PRKAR2B: variants seen among roughly 807,000 people sequenced by gnomAD.
PRKAR2B encodes the protein protein kinase cAMP-dependent type II regulatory subunit beta.
In PRKAR2B, 14 loss-of-function variants were observed where a neutral mutation model predicts 49.9. That is an observed-to-expected ratio of 0.28 (90% CI 0.19 to 0.44). The LOEUF is 0.44. Among genes scored for constraint, PRKAR2B ranks in the 20% least tolerant of loss-of-function variants. The pLI is 1.00. For missense variants in PRKAR2B, 393 were observed against 537.9 expected (o/e 0.73, Z 2.67); for synonymous variants, 196 against 197.7 (o/e 0.99, Z 0.07).
At chr7:107,081,944 A>T (rs1228606075) in intron 2 of PRKAR2B, 1 of 152,196 alleles carries the variant, frequency 6.6e-6, no homozygotes, top group Non-Finnish European at 1.5e-5. Context: ...GCTCCCCTTT[A>T]AAAACAGGTA....
At chr7:107,115,956 T>G (rs1390156992) in intron 2 of PRKAR2B, among the ~76,000 whole-genome samples, 1 of 152,164 alleles carries the variant, frequency 6.6e-6, no homozygotes, top group Non-Finnish European at 1.5e-5. Context: ...CAGCCTTCAG[T>G]AAGGAAGTGG....
chr7:107,153,247 C>T lies in PRKAR2B; in HGVS notation c.914C>T (p.Ala305Val). ...KVYNDGEQII[A>V]QGDSADSFFI... is the part of the protein sequence containing the mutation. The stretch of plus-strand genomic sequence containing the variant: ...TACAACGATGGAGAACAAATCATTG[C>T]TCAGGTATGATATTTTGAAATGTAA... The change falls in exon 8 of 11, where the codon GCT becomes GTT. Residue 305 changes from alanine (A) to valine (V), a missense_variant. By Grantham distance (64) the Ala-to-Val change is moderately conservative. Transcript: ENST00000265717. The T allele has an allele frequency of 6.3e-7, 1 of 1,599,814 alleles. No individual in the cohort carries two copies. Among genetic ancestry groups the T allele is most frequent in the Non-Finnish European group, 8.5e-7 (1 of 1,171,820 alleles).
At chr7:107,119,615 C>T (rs1471409186) in intron 2 of PRKAR2B, among the ~76,000 whole-genome samples, 1 of 152,198 alleles carries the variant, frequency 6.6e-6, no homozygotes, top group Non-Finnish European at 1.5e-5. Flanking sequence ...TTGGCAGGGC[C>T]ATCCCTATTG....
chr7:107,088,096 C>T (rs974394023), intron 2 of PRKAR2B, among the ~76,000 whole-genome samples: 1 of 152,022 alleles, frequency 6.6e-6, no homozygotes, highest in South Asian at 2.1e-4. Context: ...ATTATTATTT[C>T]CGTTTTAAAG....
intron 2 of PRKAR2B, among the ~76,000 whole-genome samples, chr7:107,071,078 A>G (rs1229500963): frequency 6.6e-6 from 1 of 152,224 alleles, no homozygotes; most frequent in Non-Finnish European, 1.5e-5. Flanking sequence ...ATTATTTAGA[A>G]AATTCACCAT....
intron 2 of PRKAR2B, among the ~76,000 whole-genome samples, chr7:107,076,069 A>G (rs1490421313): frequency 2.0e-5 from 3 of 152,100 alleles, no homozygotes; most frequent in Non-Finnish European, 4.4e-5. Flanking sequence ...CAGTTTAAAG[A>G]GTTCAGTGAG....
chr7:107,072,106 A>T (rs1480180278), intron 2 of PRKAR2B, among the ~76,000 whole-genome samples: 2 of 148,392 alleles, frequency 1.3e-5, no homozygotes, highest in East Asian at 1.9e-4. Flanking sequence ...ATAAAAAATA[A>T]ATATATATAT....
At chr7:107,121,659 G>A (rs948841897) in intron 2 of PRKAR2B, among the ~76,000 whole-genome samples, 3 of 152,034 alleles carry the variant, frequency 2.0e-5, no homozygotes, top group African/African-American at 7.2e-5. Context: ...TTTAGGTAAT[G>A]TTTAGATATC....
At chr7:107,089,407 C>A (rs1178723412) in intron 2 of PRKAR2B, among the ~76,000 whole-genome samples, 1 of 152,118 alleles carries the variant, frequency 6.6e-6, no homozygotes, top group Non-Finnish European at 1.5e-5. Context: ...ATCTTCCTAA[C>A]CAGGTTCTAC....
chr7:107,153,057 A>C (rs1460122004), intron 7 of PRKAR2B, 120 bp from the exon 8 acceptor site: 4 of 489,884 alleles, frequency 8.2e-6, no homozygotes, highest in Non-Finnish European at 1.4e-5. Flanking sequence ...ACAAACACAT[A>C]TACAACCTAC....
chr7:107,101,871 G>A (rs982621348), intron 2 of PRKAR2B, among the ~76,000 whole-genome samples: 5 of 127,942 alleles, frequency 3.9e-5, no homozygotes, highest in Non-Finnish European at 8.1e-5. Context: ...CCAGAGCCCT[G>A]ATCCTTTTTT....
chr7:107,113,411 A>C (rs957260816), intron 2 of PRKAR2B, among the ~76,000 whole-genome samples: 1 of 152,172 alleles, frequency 6.6e-6, no homozygotes, highest in Admixed American at 6.5e-5. Context: ...TGGCATTTTA[A>C]TTTCTTAAAA....
chr7:107,124,783 ATT>A (rs879582672), intron 3 of PRKAR2B, among the ~76,000 whole-genome samples: 2 of 147,662 alleles, frequency 1.4e-5, no homozygotes, highest in African/African-American at 4.9e-5. Flanking sequence ...TGTTTTTCTA[ATT>A]TTTTTTTTTT....
chr7:107,118,383 A>C (rs571001394), intron 2 of PRKAR2B, among the ~76,000 whole-genome samples: 1 of 152,148 alleles, frequency 6.6e-6, no homozygotes, highest in East Asian at 1.9e-4. Context: ...CATTATTGTG[A>C]GATATTTAAA....
chr7:107,141,818 ATCCT>A (rs1267986153), intron 5 of PRKAR2B, among the ~76,000 whole-genome samples: 1 of 152,248 alleles, frequency 6.6e-6, no homozygotes, highest in Non-Finnish European at 1.5e-5. Flanking sequence ...TAGTTTGTGC[ATCCT>A]TCCAAGAATT....
intron 2 of PRKAR2B, among the ~76,000 whole-genome samples, chr7:107,105,694 G>A (rs555693293): frequency 1.3e-4 from 20 of 152,264 alleles, no homozygotes; most frequent in African/African-American, 4.6e-4. Context: ...ATGGGTTTGG[G>A]TGGCCTTTGG....
intron 2 of PRKAR2B, among the ~76,000 whole-genome samples, chr7:107,121,447 G>A (rs1795387224): frequency 6.6e-6 from 1 of 152,084 alleles, no homozygotes; most frequent in African/African-American, 2.4e-5. Flanking sequence ...AGGTTTTTAA[G>A]TTGCATATGC....
chr7:107,144,617 T>C (rs1398485131), intron 5 of PRKAR2B, among the ~76,000 whole-genome samples: 1 of 151,500 alleles, frequency 6.6e-6, no homozygotes, highest in African/African-American at 2.4e-5. Context: ...TGTGCCACCA[T>C]ACTTGACTAA....
chr7:107,093,780 C>T (rs367830336), intron 2 of PRKAR2B, among the ~76,000 whole-genome samples: 64 of 151,432 alleles, frequency 4.2e-4, no homozygotes, highest in African/African-American at 1.3e-3. Flanking sequence ...TCTGTCCTTG[C>T]GATAGTTTGC....
Sources: allele counts gnomAD v4.1 joint callset (sites outside exome capture counted in the v4.1 genomes callset), GRCh38; gene constraint gnomAD v4.1.1; transcripts MANE v1.5; gene names NCBI Gene and HGNC (gene_info 2026-07-23, HGNC 2026-07-21).